FOXP2: variants seen among roughly 807,000 people sequenced by gnomAD.
FOXP2 encodes forkhead box protein P2.
FOXP2 carries 12 observed loss-of-function variants against 115.8 expected under a neutral mutation model. The ratio of observed to expected loss-of-function variants is 0.10; its 90% CI spans 0.07 to 0.17. The LOEUF is 0.17. FOXP2 is among the 10% of genes least tolerant of loss of function. The pLI, the probability that FOXP2 is intolerant of heterozygous loss-of-function variation, is 1.00. For missense variants in FOXP2, 629 were observed against 843.5 expected (o/e 0.75, Z 3.15); for synonymous variants, 328 against 297.7 (o/e 1.10, Z -1.05).
chr7:114,603,866 T>C (rs1803164354), intron 3 of FOXP2, among the ~76,000 whole-genome samples: 1 of 152,220 alleles, frequency 6.6e-6, no homozygotes, highest in Non-Finnish European at 1.5e-5. Context: ...AATCAGGCTA[T>C]AGCCTTTAGC....
intron 1 of FOXP2, among the ~76,000 whole-genome samples, chr7:114,269,319 A>C (rs919215107): frequency 6.6e-6 from 1 of 152,226 alleles, no homozygotes; most frequent in Non-Finnish European, 1.5e-5. Flanking sequence ...ACATGGAAGT[A>C]TTTTGCGTTT....
At position 114,293,987 on chromosome 7, in the gene FOXP2, T is replaced by C. The variant is rs184392743; in HGVS notation, c.-11+5878T>C. ...ATAATATTTCAGCCCTAAAATTATA[T>C]GCACAAATTTCAGCACTGCCCTTGA... On this transcript the variant is annotated intron_variant, in intron 2 of 17. Coordinates refer to the FOXP2 transcript ENST00000634411. Among the ~76,000 whole-genome samples the C allele has an allele frequency of 1.9e-3, 296 of 152,302 alleles. 1 individual carries two copies. Among genetic ancestry groups the C allele is most frequent in the African/African-American group, 6.8e-3 (281 of 41,552 alleles).
chr7:114,273,193 T>G (rs1475869156), intron 1 of FOXP2, among the ~76,000 whole-genome samples: 1 of 152,056 alleles, frequency 6.6e-6, no homozygotes, highest in Non-Finnish European at 1.5e-5. Flanking sequence ...GTTTCTTCAT[T>G]GACCTGTGTG....
intron 3 of FOXP2, among the ~76,000 whole-genome samples, chr7:114,606,493 C>T (rs556600895): frequency 2.0e-5 from 3 of 152,180 alleles, no homozygotes; most frequent in African/African-American, 7.2e-5. Context: ...CTCTCATCTT[C>T]TTCTGCAACA....
At chr7:114,154,150 A>G (rs1207840802) in intron 1 of FOXP2, among the ~76,000 whole-genome samples, 2 of 152,110 alleles carry the variant, frequency 1.3e-5, no homozygotes, top group Non-Finnish European at 2.9e-5. Context: ...TTGCTAATTT[A>G]TCTGGTCAAG....
chr7:114,296,037 C>A (rs1448298215), intron 2 of FOXP2, among the ~76,000 whole-genome samples: 1 of 152,020 alleles, frequency 6.6e-6, no homozygotes, highest in Non-Finnish European at 1.5e-5. Context: ...CAGGTTTAAG[C>A]CCATAAAGAA....
intron 3 of FOXP2, among the ~76,000 whole-genome samples, chr7:114,554,964 G>C (rs1396349803): frequency 1.3e-5 from 2 of 152,082 alleles, no homozygotes; most frequent in Admixed American, 1.3e-4. Context: ...TAGTCTTCTA[G>C]GCTCTTTAAT....
chr7:114,453,022 C>G (rs931040262), intron 2 of FOXP2, among the ~76,000 whole-genome samples: 6 of 152,004 alleles, frequency 3.9e-5, no homozygotes, highest in Non-Finnish European at 8.8e-5. Flanking sequence ...AAATATTGAG[C>G]TTCTGTTATC....
intron 2 of FOXP2, chr7:114,499,704 C>T (rs1487100260): frequency 2.0e-5 from 3 of 151,972 alleles, no homozygotes; most frequent in South Asian, 2.1e-4. Flanking sequence ...TGGTTTTTTA[C>T]TTTTTAAATA....
chr7:114,640,734 G>A (rs1157146904), intron 6 of FOXP2, among the ~76,000 whole-genome samples: 1 of 152,096 alleles, frequency 6.6e-6, no homozygotes, highest in East Asian at 1.9e-4. Flanking sequence ...ATGTATGTTC[G>A]GTTGGGAGAG....
intron 2 of FOXP2, among the ~76,000 whole-genome samples, chr7:114,401,036 A>G (rs1421632857): frequency 6.6e-6 from 1 of 152,132 alleles, no homozygotes; most frequent in East Asian, 1.9e-4. Context: ...CTTGCTGTAC[A>G]TAGGCCAGGG....
At chr7:114,634,476 T>G (rs1805105099) in intron 6 of FOXP2, among the ~76,000 whole-genome samples, 1 of 152,052 alleles carries the variant, frequency 6.6e-6, no homozygotes, top group African/African-American at 2.4e-5. Context: ...AGTTTTATAT[T>G]TATCATCTTA....
chr7:114,524,514 G>A (rs1387687188), intron 2 of FOXP2, among the ~76,000 whole-genome samples: 3 of 151,932 alleles, frequency 2.0e-5, no homozygotes, highest in African/African-American at 4.8e-5. Context: ...TTCAGAGTCA[G>A]CCAGATAGTT....
At chr7:114,329,692 T>TTTA (rs1797650792) in intron 2 of FOXP2, among the ~76,000 whole-genome samples, 1 of 141,742 alleles carries the variant, frequency 7.1e-6, no homozygotes, top group Admixed American at 7.0e-5. Context: ...TTATTTATTT[T>TTTA]ATGAGATGCA....
intron 2 of FOXP2, among the ~76,000 whole-genome samples, chr7:114,301,956 TG>T (rs1562861609): frequency 1.3e-5 from 2 of 152,136 alleles, no homozygotes; most frequent in Non-Finnish European, 2.9e-5. Flanking sequence ...CATCACTATA[TG>T]ACAACATTTG....
intron 2 of FOXP2, among the ~76,000 whole-genome samples, chr7:114,371,468 AAAAT>A (rs1024595902): frequency 1.3e-5 from 2 of 152,204 alleles, no homozygotes; most frequent in Admixed American, 6.5e-5. Context: ...ATATAGAATA[AAAAT>A]AAATAAAAAA....
intron 2 of FOXP2, among the ~76,000 whole-genome samples, chr7:114,378,701 A>AAAAAAAAAAAAAAAAAAAAAAAAAAAAG (rs1554380027): frequency 9.4e-6 from 1 of 106,752 alleles, no homozygotes; most frequent in Non-Finnish European, 1.9e-5. Context: ...AAAAAAAAAA[A>AAAAAAAAAAAAAAAAAAAAAAAAAAAAG]GGAAAAGAAA....
At chr7:114,580,294 A>T (rs1242908397) in intron 3 of FOXP2, among the ~76,000 whole-genome samples, 1 of 152,174 alleles carries the variant, frequency 6.6e-6, no homozygotes, top group Non-Finnish European at 1.5e-5. Flanking sequence ...TTTAAGAAAG[A>T]AGGACGGGCA....
At chr7:114,316,574 G>A (rs1413828373) in intron 2 of FOXP2, among the ~76,000 whole-genome samples, 2 of 152,232 alleles carry the variant, frequency 1.3e-5, no homozygotes, top group East Asian at 1.9e-4. Flanking sequence ...ACATAAAGTG[G>A]GTGAGGAAGA....
Sources: gnomAD v4.1 joint callset for allele counts (sites outside exome capture counted in the v4.1 genomes callset) on GRCh38, gnomAD v4.1.1 for gene constraint, MANE v1.5 for transcripts, NCBI Gene and HGNC (gene_info 2026-07-23, HGNC 2026-07-21) for gene names.